Variants in PRKCB observed in about 807,000 individuals in gnomAD.
The protein encoded by PRKCB is protein kinase C beta type.
PRKCB carries 13 observed loss-of-function variants against 81.5 expected under a neutral mutation model. That is an observed-to-expected ratio of 0.16 (90% CI 0.10 to 0.25). The LOEUF (loss-of-function observed/expected upper bound fraction) is 0.25, where lower values mean the gene tolerates loss of function less well. Among genes scored for constraint, PRKCB ranks in the 10% least tolerant of loss-of-function variants. PRKCB has a pLI of 1.00. For missense variants in PRKCB, 509 were observed against 875.7 expected (o/e 0.58, Z 5.29); for synonymous variants, 335 against 321.4 (o/e 1.04, Z -0.45).
chr16:23,940,577 A>C (rs933723642), intron 2 of PRKCB, among the ~76,000 whole-genome samples: 1 of 152,126 alleles, frequency 6.6e-6, no homozygotes, highest in African/African-American at 2.4e-5. Context: ...CAAAGCAAAC[A>C]AAAGAGCCAA....
intron 2 of PRKCB, among the ~76,000 whole-genome samples, chr16:23,873,581 A>T (rs1206939062): frequency 6.6e-6 from 1 of 152,148 alleles, no homozygotes; most frequent in Non-Finnish European, 1.5e-5. Context: ...TTCTGGCCAT[A>T]CTTCACACTT....
chr16:23,957,770 C>A (rs933274887), intron 2 of PRKCB, among the ~76,000 whole-genome samples: 41 of 152,132 alleles, frequency 2.7e-4, no homozygotes, highest in African/African-American at 9.4e-4. Context: ...TGAGTGTGTG[C>A]CCTCACTTTC....
chr16:23,911,127 G>GCTTTTTTTTTTTT (rs1963644813), intron 2 of PRKCB, among the ~76,000 whole-genome samples: 1 of 11,788 alleles, frequency 8.5e-5, no homozygotes, highest in East Asian at 2.7e-3. Context: ...ACGTATATAT[G>GCTTTTTTTTTTTT]CTTTTTTTTT....
chr16:23,886,633 G>A (rs555988508), intron 2 of PRKCB, among the ~76,000 whole-genome samples: 84 of 152,032 alleles, frequency 5.5e-4, no homozygotes, highest in Non-Finnish European at 4.6e-4. Context: ...GGCTGGTCTC[G>A]AACTCCTGAC....
At chr16:24,060,520 G>A (rs1483033495) in intron 5 of PRKCB, among the ~76,000 whole-genome samples, 1 of 152,144 alleles carries the variant, frequency 6.6e-6, no homozygotes, top group Admixed American at 6.5e-5. Context: ...ATACTGTGGT[G>A]TGCCACCAGG....
chr16:23,960,797 G>A lies in PRKCB; in HGVS notation c.206-27711G>A, dbSNP rs1002499570. Reference sequence around the variant, plus strand: ...CCCCACTCCCTACTGCTGCTCTCTGGGATCACCTCTCACAGAAGCTGTTTG... The same window carrying A: ...CCCCACTCCCTACTGCTGCTCTCTGAGATCACCTCTCACAGAAGCTGTTTG... On this transcript the variant is annotated intron_variant, in intron 2 of 16. Coordinates refer to ENST00000643927, the MANE Select transcript of PRKCB (RefSeq NM_002738.7). Among the ~76,000 whole-genome samples, 6 of 152,248 alleles carry A rather than the reference G, an allele frequency of 3.9e-5. No homozygotes were observed. In the South Asian group the frequency reaches 1.0e-3, roughly 26 times the overall value.
intron 2 of PRKCB, among the ~76,000 whole-genome samples, chr16:23,968,718 CA>C (rs1964519492): frequency 6.6e-6 from 1 of 152,134 alleles, no homozygotes; most frequent in Non-Finnish European, 1.5e-5. Context: ...AAACAAGGAA[CA>C]AGCAGCACGT....
intron 2 of PRKCB, among the ~76,000 whole-genome samples, chr16:23,908,600 C>G (rs1244944667): frequency 6.6e-6 from 1 of 152,082 alleles, no homozygotes. Flanking sequence ...GGCGCCATCT[C>G]GGCTCACTGC....
chr16:23,967,294 G>C (rs576977139), intron 2 of PRKCB, among the ~76,000 whole-genome samples: 27 of 152,318 alleles, frequency 1.8e-4, no homozygotes, highest in African/African-American at 5.8e-4. Context: ...GGTGGCCTTG[G>C]CTGGGTTCCC....
chr16:24,054,329 T>C (rs1037155952), intron 5 of PRKCB, among the ~76,000 whole-genome samples: 3 of 152,228 alleles, frequency 2.0e-5, no homozygotes, highest in Non-Finnish European at 4.4e-5. Context: ...TGGTAGGCAA[T>C]ATCTCTTAAC....
At chr16:23,897,077 T>C (rs779088984) in intron 2 of PRKCB, among the ~76,000 whole-genome samples, 1 of 152,172 alleles carries the variant, frequency 6.6e-6, no homozygotes, top group Non-Finnish European at 1.5e-5. Flanking sequence ...CTGTGCCAGG[T>C]GTTGATCACA....
intron 5 of PRKCB, among the ~76,000 whole-genome samples, chr16:24,091,529 C>G (rs1039686962): frequency 9.9e-5 from 15 of 152,176 alleles, no homozygotes; most frequent in Admixed American, 9.8e-4. Flanking sequence ...TCCTGTTTCT[C>G]CAAGCTGATG....
intron 2 of PRKCB, among the ~76,000 whole-genome samples, chr16:23,851,306 C>T (rs1962469030): frequency 6.6e-6 from 1 of 152,128 alleles, no homozygotes; most frequent in African/African-American, 2.4e-5. Context: ...ATGTGGATAT[C>T]CAGTTTTCCC....
chr16:23,854,417 G>A (rs1490528239), intron 2 of PRKCB, among the ~76,000 whole-genome samples: 1 of 152,116 alleles, frequency 6.6e-6, no homozygotes, highest in African/African-American at 2.4e-5. Flanking sequence ...ATTTGGGCTG[G>A]GCTCAGCTGG....
chr16:24,057,860 T>A (rs1055332562), intron 5 of PRKCB, among the ~76,000 whole-genome samples: 2 of 152,128 alleles, frequency 1.3e-5, no homozygotes, highest in Non-Finnish European at 2.9e-5. Context: ...TCTTTTGCCC[T>A]CTGAAATCCA....
At chr16:23,938,910 A>G (rs1964100975) in intron 2 of PRKCB, among the ~76,000 whole-genome samples, 1 of 152,150 alleles carries the variant, frequency 6.6e-6, no homozygotes, top group Non-Finnish European at 1.5e-5. Flanking sequence ...ATACAAAGAA[A>G]GAAATAAAAC....
intron 10 of PRKCB, among the ~76,000 whole-genome samples, chr16:24,155,509 G>A (rs938955232): frequency 6.6e-6 from 1 of 152,184 alleles, no homozygotes; most frequent in Non-Finnish European, 1.5e-5. Context: ...CATACCCAGG[G>A]ATGGAGAGGC....
chr16:24,113,533 C>T (rs1305630673), intron 8 of PRKCB, among the ~76,000 whole-genome samples: 1 of 148,308 alleles, frequency 6.7e-6, no homozygotes, highest in Non-Finnish European at 1.5e-5. Context: ...TCCCTCCCTC[C>T]CCCCTTTCCT....
At chr16:24,096,652 C>CAAAAAAAAAAAAAAA (rs1219127854) in intron 7 of PRKCB, among the ~76,000 whole-genome samples, 3 of 41,824 alleles carry the variant, frequency 7.2e-5, no homozygotes, top group African/African-American at 1.8e-4. Flanking sequence ...CTTCCTATGG[C>CAAAAAAAAAAAAAAA]AAAAAAAAAA....
Sources: allele counts gnomAD v4.1 joint callset (sites outside exome capture counted in the v4.1 genomes callset), GRCh38; gene constraint gnomAD v4.1.1; transcripts MANE v1.5; gene names NCBI Gene and HGNC (gene_info 2026-07-23, HGNC 2026-07-21).